The following GMIP variants were observed in gnomAD, a reference collection of about 807,000 sequenced individuals.
The protein encoded by GMIP is GEM-interacting protein.
GMIP carries 54 observed loss-of-function variants against 105.3 expected under a neutral mutation model. The ratio of observed to expected loss-of-function variants is 0.51; its 90% confidence interval spans 0.41 to 0.64. The LOEUF is 0.64. Among genes scored for constraint, GMIP ranks in the 30% least tolerant of loss-of-function variants. GMIP has a pLI of 0.00. For missense variants in GMIP, 1,110 were observed against 1,319.4 expected, an observed-to-expected ratio of 0.84 and a Z score of 2.46; for synonymous variants, 541 against 560.8, an observed-to-expected ratio of 0.96 and a Z score of 0.50.
intron 7 of GMIP, 69 bp from the exon 8 acceptor site, chr19:19,638,551 T>C: frequency 1.5e-6 from 2 of 1,307,010 alleles, no homozygotes; most frequent in Non-Finnish European, 2.2e-6. Context: ...CACCCAGTCC[T>C]TCCATTCCTG....
rs1170356890 is a variant in GMIP, at chr19:19,637,251, CT to C, written c.1124+113del. The C allele has an allele frequency of 6.3e-6, 5 of 796,428 alleles. No individual in the cohort carries two copies. The Admixed American group carries it at 1.1e-4, about 17-fold the overall frequency. The allele number at this position is 796,428 out of a possible 1,614,324, so 49.3% of individuals were successfully genotyped here. On this transcript the variant is annotated intron_variant, in intron 11 of 20. Coordinates refer to ENST00000203556, the MANE Select transcript of GMIP (RefSeq NM_016573.4). The surrounding 1 kb of genome is among the most constrained non-coding windows in gnomAD (Gnocchi z 6.7). Reference sequence around the variant, plus strand: ...CTATGGCCCCCGAGAGCCTGGAGTACTAAATTCCACTAAGGCTTTGCGTTCT... The same window carrying C: ...CTATGGCCCCCGAGAGCCTGGAGTACAAATTCCACTAAGGCTTTGCGTTCT...
At position 19,637,565 on chromosome 19, in the gene GMIP, C is replaced by T; in HGVS notation, c.928-4G>A. On this transcript the variant is annotated splice_polypyrimidine_tract_variant and splice_region_variant and intron_variant, in intron 10 of 20. Coordinates refer to ENST00000203556, the MANE Select transcript of GMIP (RefSeq NM_016573.4). This position sits in a 1 kb window ranked among gnomAD's most constrained non-coding sequence, Gnocchi z 6.7. ...GCCCGAAGAGACTCAGCGTCACCTG[C>T]CGGGTGGAGACAGCAGGTTGGGGAG... The T allele has an allele frequency of 6.6e-7, 1 of 1,516,540 alleles. No individual in the cohort carries two copies. The highest frequency in any genetic ancestry group is 8.8e-7 in the Non-Finnish European group (1 of 1,138,784). The allele number at this position is 1,516,540 out of a possible 1,614,324, so 93.9% of individuals were successfully genotyped here. A position where few individuals can be genotyped will look rare whatever the true frequency, so the allele number is the denominator to read the frequency against.
intron 7 of GMIP, among the ~76,000 whole-genome samples, chr19:19,639,276 T>C (rs976391757): frequency 8.6e-5 from 13 of 150,458 alleles, no homozygotes; most frequent in African/African-American, 3.2e-4. Flanking sequence ...ACAGGGGGTC[T>C]CACTATGTTG....
At chr19:19,631,027 T>A (rs2061790000) in intron 19 of GMIP, among the ~76,000 whole-genome samples, 1 of 151,580 alleles carries the variant, frequency 6.6e-6, no homozygotes, top group African/African-American at 2.4e-5. Flanking sequence ...ATGGTGAAAC[T>A]CCGTCTCTAC....
Position 19,629,596 on chromosome 19 carries a change from G to T in GMIP, c.*367C>A. The T allele has an allele frequency of 4.4e-6, 1 of 225,558 alleles. No homozygotes were observed. Among genetic ancestry groups the T allele is most frequent in the East Asian group, 1.2e-4 (1 of 8,394 alleles). 14.0% of individuals were successfully genotyped at this position (225,558 alleles called of 1,614,324 possible). ...CCGTGAAGGAGGCAGGCAGGTGTGG[G>T]GGAGTGACCACAACCAAAGTAGCAA... On this transcript the variant is annotated 3_prime_UTR_variant, in exon 21 of 21. Coordinates refer to ENST00000203556, the MANE Select transcript of GMIP (RefSeq NM_016573.4).
intron 2 of GMIP, 57 bp from the exon 3 acceptor site, chr19:19,642,108 G>C: frequency 8.5e-7 from 1 of 1,183,166 alleles, no homozygotes; most frequent in Non-Finnish European, 1.2e-6. Context: ...CCTGCCAAGG[G>C]GTGCTGGGGA....
chr19:19,636,749 C>T lies in GMIP; in HGVS notation c.1285G>A (p.Gly429Ser), dbSNP rs538574812. The T allele has an allele frequency of 2.4e-5, 39 of 1,613,642 alleles. No homozygotes were observed. The highest frequency in any genetic ancestry group is 5.5e-5 in the South Asian group (5 of 91,038). ...GAGTCCAGGGACCGAGACTCGCTGC[C>T]GCCACCCACGCTGTCCACATCGCTG... ...PGSDVDSVGG[G>S]SESRSLDSPT... is the part of the protein sequence containing the mutation. Residue 429 changes from glycine to serine, a missense_variant, in exon 13 of 21, where the codon GGC (glycine) becomes AGC (serine). Around this residue, in one of 3 missense-constraint regions of GMIP, gnomAD observed 667 missense variants for 773.2 expected, o/e 0.86. Coordinates refer to ENST00000203556, the MANE Select transcript of GMIP (RefSeq NM_016573.4).
Position 19,630,313 on chromosome 19 carries a change from AG to A in GMIP, c.2562del (p.Ser855HisfsTer16). ...CCACGAGACTGTGTCCCCAGGAGTG[AG>A]TCCTCTGGGCCTTGGCTGGACACTG... ...GGEVSSQGPE[D>X]SLLGTQSRGH... On this transcript the variant is annotated frameshift_variant, in exon 21 of 21. Transcript: ENST00000203556. LOFTEE classifies it low-confidence loss of function (END_TRUNC). This position sits in a 1 kb window ranked among gnomAD's most constrained non-coding sequence, Gnocchi z 4.8. The A allele has an allele frequency of 6.5e-7, 1 of 1,541,934 alleles. No homozygotes were observed.
Position 19,634,271 on chromosome 19 carries a change from A to G in GMIP, c.2085-81T>C. The G allele has an allele frequency of 7.1e-7, 1 of 1,412,294 alleles. No homozygotes were observed. Among genetic ancestry groups the G allele is most frequent in the Non-Finnish European group, 9.4e-7 (1 of 1,060,714 alleles). 87.5% of individuals were successfully genotyped at this position (1,412,294 alleles called of 1,614,324 possible). A position where few individuals can be genotyped will look rare whatever the true frequency, so the allele number is the denominator to read the frequency against. ...AGGGTAAGGGTGGGACACGCAGGCC[A>G]GCCTAGAGGTGACTTGCCCATGTCA... On this transcript the variant is annotated intron_variant, in intron 18 of 20. Coordinates refer to ENST00000203556, the MANE Select transcript of GMIP (RefSeq NM_016573.4). The surrounding 1 kb of genome is among the most constrained non-coding windows in gnomAD (Gnocchi z 6.1).
chr19:19,633,226 T>G (rs1455020831), intron 19 of GMIP, among the ~76,000 whole-genome samples: 1 of 152,038 alleles, frequency 6.6e-6, no homozygotes, highest in African/African-American at 2.4e-5. Context: ...ACCTGGCTAA[T>G]TTTTGTATTT....
chr19:19,642,619 C>T lies in GMIP; in HGVS notation c.20G>A (p.Gly7Glu), dbSNP rs758632698. Residue 7 changes from glycine to glutamate, a missense_variant and splice_region_variant, in exon 2 of 21, where the codon GGA (glycine) becomes GAA (glutamate). Around this residue, in one of 3 missense-constraint regions of GMIP, gnomAD observed 667 missense variants for 773.2 expected, o/e 0.86. Transcript: ENST00000203556. ...CCTGCCCTCAGGACCTGGGGGGAGT[C>T]CTAGGGGAGGGGAGTGTAATACATG... MDAAEP[G>E]LPPGPEGRKR... is the part of the protein sequence containing the mutation. The T allele has an allele frequency of 1.3e-6, 2 of 1,575,606 alleles. No individual in the cohort carries two copies. Among genetic ancestry groups the T allele is most frequent in the Non-Finnish European group, 1.7e-6 (2 of 1,146,936 alleles).
chr19:19,639,558 G>C (rs1435911648), intron 7 of GMIP, among the ~76,000 whole-genome samples: 1 of 151,430 alleles, frequency 6.6e-6, no homozygotes, highest in Non-Finnish European at 1.5e-5. Flanking sequence ...AAACAAAAAC[G>C]AAGTTTTTGG....
In GMIP at chr19:19,637,706, A is replaced by G. The variant is rs2061870810; in HGVS notation, c.928-145T>C. On this transcript the variant is annotated intron_variant, in intron 10 of 20. Coordinates refer to ENST00000203556, the MANE Select transcript of GMIP (RefSeq NM_016573.4). The surrounding 1 kb of genome is among the most constrained non-coding windows in gnomAD (Gnocchi z 6.7). ...GGCTTAGGAACTAGGGCAGTCGGCC[A>G]GGGGACCCAGGCATGGTCAGAGCAG... is the stretch of plus-strand genomic sequence containing the variant. 1 of 825,752 alleles carries G rather than the reference A, an allele frequency of 1.2e-6. No homozygotes were observed. The highest frequency in any genetic ancestry group is 1.8e-6 in the Non-Finnish European group (1 of 549,096). The allele number at this position is 825,752 out of a possible 1,614,324, so 51.2% of individuals were successfully genotyped here. A position where few individuals can be genotyped will look rare whatever the true frequency, so the allele number is the denominator to read the frequency against.
At position 19,640,363 on chromosome 19, in the gene GMIP, G is replaced by A. The variant is rs201215952; in HGVS notation, c.365-3C>T. The A allele has an allele frequency of 5.0e-6, 8 of 1,614,014 alleles. No individual in the cohort carries two copies. Among genetic ancestry groups the A allele is most frequent in the East Asian group, 2.2e-5 (1 of 44,874 alleles). ...GGTGCTCTTAGCAAACTCCAGCTCT[G>A]GGGGAAGAGAGAGCCGGGCTCTGGG... On this transcript the variant is annotated splice_region_variant and splice_polypyrimidine_tract_variant and intron_variant, in intron 5 of 20. Transcript: ENST00000203556.
At chr19:19,632,415 C>G (rs534733634) in intron 19 of GMIP, among the ~76,000 whole-genome samples, 1 of 152,244 alleles carries the variant, frequency 6.6e-6, no homozygotes, top group South Asian at 2.1e-4. Flanking sequence ...GCCTGGCTAA[C>G]ATGGCGAAAC....
Position 19,630,011 on chromosome 19 carries a change from G to T in GMIP, c.2865C>A (p.Ala955=), listed in dbSNP as rs1049975423. ...CAGGCTGGACGTCCGGGCAGCAGGT[G>T]GCCCTGGGCACAGCCTCGCTGTCCA... The part of the protein sequence containing the change: ...SKLDSEAVPR[A]TCCPDVQPEE... The change falls in exon 21 of 21, where the codon GCC becomes GCA. Residue 955 remains alanine (A), a synonymous_variant. Coordinates refer to ENST00000203556, the MANE Select transcript of GMIP (RefSeq NM_016573.4). The surrounding 1 kb of genome is among the most constrained non-coding windows in gnomAD (Gnocchi z 4.8). 6.2e-6 allele frequency: 10 copies of T among 1,608,828 alleles called. No homozygotes were observed.
At chr19:19,638,130 G>A in intron 9 of GMIP, 29 bp downstream of exon 9, 2 of 1,570,638 alleles carry the variant, frequency 1.3e-6, no homozygotes, top group Non-Finnish European at 1.7e-6. Context: ...GCGCCACAGC[G>A]CTACAGGGGC....
chr19:19,631,136 G>C (rs186603107), intron 19 of GMIP, among the ~76,000 whole-genome samples: 2 of 152,276 alleles, frequency 1.3e-5, no homozygotes, highest in Non-Finnish European at 2.9e-5. Flanking sequence ...GGGAGGTGGA[G>C]ATTGCAGTGA....
chr19:19,634,040 A>G lies in GMIP; in HGVS notation c.2235T>C (p.Leu745=). The change falls in exon 19 of 21, where the codon CTT becomes CTC. Residue 745 remains leucine, a synonymous_variant. Transcript: ENST00000203556. This position sits in a 1 kb window ranked among gnomAD's most constrained non-coding sequence, Gnocchi z 6.1. ...CGTAGTGCACGATGAGGAACTCCAC[A>G]AGCTGGGCCTGATGCCCAGAGTCCA... ...CLLDSGHQAQ[L]VEFLIVHYEQ... is the part of the protein sequence containing the mutation. The G allele has an allele frequency of 3.1e-6, 5 of 1,613,560 alleles. No individual in the cohort carries two copies. The South Asian group carries it at 5.5e-5, about 18-fold the overall frequency.
Sources: allele counts gnomAD v4.1 joint callset (sites outside exome capture counted in the v4.1 genomes callset), GRCh38; gene constraint gnomAD v4.1.1; regional missense constraint gnomAD v4.1.1; non-coding constraint Gnocchi (gnomAD v3.1); transcripts MANE v1.5; gene names NCBI Gene and HGNC (gene_info 2026-07-23, HGNC 2026-07-21).